Variants in ANKK1 observed in about 807,000 individuals in gnomAD.
ANKK1 encodes the protein ankyrin repeat and protein kinase domain-containing protein 1.
In ANKK1, 37 loss-of-function variants were observed where a neutral mutation model predicts 37.6. The ratio of observed to expected loss-of-function variants is 0.98; its 90% CI spans 0.76 to 1.29. The LOEUF (loss-of-function observed/expected upper bound fraction) is 1.29, where lower values mean the gene tolerates loss of function less well. Among genes scored for constraint, ANKK1 ranks in the 50% most tolerant of loss-of-function variants. The probability of loss-of-function intolerance (pLI) is 0.00; values close to 1 mark genes in which losing one functional copy is unlikely to be tolerated. For missense variants in ANKK1, 1,019 were observed against 990.6 expected, an observed-to-expected ratio of 1.03 and a Z score of -0.39; for synonymous variants, 415 against 418.7, an observed-to-expected ratio of 0.99 and a Z score of 0.11.
At chr11:113,396,015 C>G in intron 4 of ANKK1, 52 bp from the exon 5 acceptor site, 1 of 1,593,278 alleles carries the variant, frequency 6.3e-7, no homozygotes, top group Non-Finnish European at 8.6e-7. Context: ...CTCCCCAGCT[C>G]CCCTCCAGCC....
Position 113,399,517 on chromosome 11 carries a change from G to C in ANKK1, c.1548G>C (p.Gln516His), listed in dbSNP as rs530835710. ...HVSLVKLLTSQGAELDAQQRN... is the reference protein window; with the variant it reads ...HVSLVKLLTSHGAELDAQQRN... ...GCCTGGTCAAGCTGCTGACCAGCCA[G>C]GGGGCTGAGTTGGATGCTCAGCAGA... is the stretch of plus-strand genomic sequence containing the variant. The change falls in exon 8 of 8, where the codon CAG becomes CAC. Residue 516 changes from glutamine (Q) to histidine (H), a missense_variant. Gln to His is a conservative substitution (Grantham distance 24). Transcript: ENST00000303941. 2.6e-5 allele frequency: 41 copies of C among 1,595,032 alleles called. No homozygotes were observed. The East Asian group carries it at 6.1e-4, about 24-fold the overall frequency.
At position 113,400,120 on chromosome 11, in the gene ANKK1, G is replaced by T; in HGVS notation, c.2151G>T (p.Gln717His). 6.2e-7 allele frequency: 1 copy of T among 1,611,704 alleles called. No individual in the cohort carries two copies. Among genetic ancestry groups the T allele is most frequent in the Non-Finnish European group, 8.5e-7 (1 of 1,179,130 alleles). The change falls in exon 8 of 8, where the codon CAG becomes CAT. Residue 717 changes from glutamine to histidine, a missense_variant. Transcript: ENST00000303941. ...AAGTGCTGGTCGAGGCAGGCGCCCA[G>T]CTGGACGTCCAGGATGGAGTGAGCT... ...ILKVLVEAGA[Q>H]LDVQDGVSCT... is the part of the protein sequence containing the mutation.
Position 113,399,577 on chromosome 11 carries a change from G to C in ANKK1, c.1608G>C (p.Glu536Asp), listed in dbSNP as rs967985757. The change falls in exon 8 of 8, where the codon GAG becomes GAC. Residue 536 changes from glutamate to aspartate, a missense_variant. Transcript: ENST00000303941. ...NLRTPLHLAV[E>D]RGKVRAIQHL... ...GAACACCACTGCACCTGGCAGTAGA[G>C]CGGGGCAAAGTGAGGGCCATCCAAC... 6.2e-6 allele frequency: 10 copies of C among 1,604,974 alleles called. No individual in the cohort carries two copies. Among genetic ancestry groups the C allele is most frequent in the East Asian group, 2.2e-5 (1 of 44,446 alleles).
rs1328501365 is a variant in ANKK1 at position 113,399,146 on chromosome 11, G to A, written c.1177G>A (p.Ala393Thr). 6 of 1,595,626 alleles carry A rather than the reference G, an allele frequency of 3.8e-6. No individual in the cohort carries two copies. The highest frequency in any genetic ancestry group is 5.1e-6 in the Non-Finnish European group (6 of 1,171,384). Residue 393 changes from alanine to threonine, a missense_variant, in exon 8 of 8, where the codon GCC (alanine) becomes ACC (threonine). Physicochemically the swap from Ala to Thr is moderately conservative, Grantham distance 58. Coordinates refer to ENST00000303941, the MANE Select transcript of ANKK1 (RefSeq NM_178510.2). Reference protein sequence around the residue: ...AHEVDVDCQTASGYTPLLIAA... With the variant: ...AHEVDVDCQTTSGYTPLLIAA... ...CGAGGTAGACGTGGACTGCCAGACGGCCTCTGGATACACGCCCCTCCTGAT... is the reference window on the plus strand; with the variant it reads ...CGAGGTAGACGTGGACTGCCAGACGACCTCTGGATACACGCCCCTCCTGAT...
At chr11:113,389,966 G>A (rs1400702454) in intron 1 of ANKK1, among the ~76,000 whole-genome samples, 1 of 152,216 alleles carries the variant, frequency 6.6e-6, no homozygotes, top group East Asian at 1.9e-4. Flanking sequence ...TCATTCTGAT[G>A]AGAGACGGAT....
chr11:113,392,153 C>T (rs1950591886), intron 1 of ANKK1, among the ~76,000 whole-genome samples: 1 of 152,186 alleles, frequency 6.6e-6, no homozygotes, highest in African/African-American at 2.4e-5. Context: ...AAGGTAGTTA[C>T]AATTATTCCC....
At position 113,387,875 on chromosome 11, in the gene ANKK1, G is replaced by A. The variant is rs767142506; in HGVS notation, c.-10G>A. ...GGAGTGCGCGGCGCGGGGACAGGAA[G>A]AGAGGGGCAATGGCTGCCGACCCCA... On this transcript the variant is annotated 5_prime_UTR_variant, in exon 1 of 8. Transcript: ENST00000303941. The A allele has an allele frequency of 2.0e-6, 3 of 1,524,536 alleles. No homozygotes were observed. Among genetic ancestry groups the A allele is most frequent in the Admixed American group, 3.8e-5 (2 of 52,792 alleles). 94.4% of individuals were successfully genotyped at this position (1,524,536 alleles called of 1,614,324 possible).
Position 113,399,720 on chromosome 11 carries a change from C to A in ANKK1, c.1751C>A (p.Ala584Asp). The A allele has an allele frequency of 6.3e-7, 1 of 1,599,532 alleles. No individual in the cohort carries two copies. Among genetic ancestry groups the A allele is most frequent in the East Asian group, 2.3e-5 (1 of 44,046 alleles). The change falls in exon 8 of 8, where the codon GCC (alanine) becomes GAC (aspartate). Residue 584 changes from alanine to aspartate, a missense_variant. Ala to Asp is a moderately radical substitution (Grantham distance 126). Transcript: ENST00000303941. ...LICKMLLRYG[A>D]SLELPTHQGW... ...TGCAAGATGCTGCTCAGGTACGGAG[C>A]CAGCCTTGAGCTGCCCACCCACCAG...
At chr11:113,393,153 A>C (rs1029466276) in intron 1 of ANKK1, among the ~76,000 whole-genome samples, 4 of 152,198 alleles carry the variant, frequency 2.6e-5, no homozygotes, top group Admixed American at 6.5e-5. Flanking sequence ...GGGGGCTCAA[A>C]ATCTACTAGG....
At chr11:113,396,329 CG>C in intron 5 of ANKK1, 107 bp downstream of exon 5, 1 of 1,327,138 alleles carries the variant, frequency 7.5e-7, no homozygotes, top group Non-Finnish European at 1.0e-6. Flanking sequence ...TTTGGTACTA[CG>C]GCCTAGAAGG....
intron 2 of ANKK1, 106 bp downstream of exon 2, chr11:113,393,881 C>T: frequency 2.3e-6 from 3 of 1,302,544 alleles, no homozygotes; most frequent in Non-Finnish European, 3.1e-6. Flanking sequence ...TTAAGCAGTT[C>T]CCTTCATGGA....
At chr11:113,397,946 A>T in intron 6 of ANKK1, 34 bp from the exon 7 acceptor site, 1 of 1,554,308 alleles carries the variant, frequency 6.4e-7, no homozygotes, top group Non-Finnish European at 8.7e-7. Context: ...TGCGCCACTG[A>T]TCTCCACCCT....
chr11:113,396,045 T>A (rs560069921), intron 4 of ANKK1, 22 bp from the exon 5 acceptor site: 2 of 1,612,434 alleles, frequency 1.2e-6, no homozygotes, highest in East Asian at 4.5e-5. Flanking sequence ...AGCACCCACA[T>A]AGCCTGAGCC....
At chr11:113,394,857 G>A (rs1950623541) in intron 2 of ANKK1, 72 bp from the exon 3 acceptor site, 6 of 1,577,694 alleles carry the variant, frequency 3.8e-6, no homozygotes, top group Non-Finnish European at 5.2e-6. Flanking sequence ...AGCAGGAGGG[G>A]TGAGAAGCCA....
intron 2 of ANKK1, among the ~76,000 whole-genome samples, chr11:113,394,406 G>C (rs144826110): frequency 1.1e-4 from 16 of 152,292 alleles, no homozygotes; most frequent in African/African-American, 3.8e-4. Flanking sequence ...GTGTTGGCAG[G>C]GGGTGTCTCA....
At chr11:113,388,114 G>C (rs780054479) in intron 1 of ANKK1, 45 bp downstream of exon 1, 802 of 1,438,324 alleles carry the variant, frequency 5.6e-4, no homozygotes, top group Non-Finnish European at 7.0e-4. Flanking sequence ...AGAAACTGAG[G>C]CCCGGCAAGC....
At chr11:113,395,208 TG>T in intron 3 of ANKK1, 128 bp downstream of exon 3, 1 of 1,490,422 alleles carries the variant, frequency 6.7e-7, no homozygotes, top group African/African-American at 1.4e-5. Context: ...CGGAGGACTC[TG>T]GCTGGAGAGG....
In ANKK1 at chr11:113,399,578, C is replaced by A. The variant is rs763885896; in HGVS notation, c.1609C>A (p.Arg537=). Residue 537 remains arginine (R), a synonymous_variant, in exon 8 of 8, where the codon CGG becomes AGG. Coordinates refer to ENST00000303941, the MANE Select transcript of ANKK1 (RefSeq NM_178510.2). The stretch of plus-strand genomic sequence containing the variant: ...AACACCACTGCACCTGGCAGTAGAG[C>A]GGGGCAAAGTGAGGGCCATCCAACA... ...LRTPLHLAVE[R]GKVRAIQHLL... is the part of the protein sequence containing the mutation. The A allele has an allele frequency of 5.0e-6, 8 of 1,604,482 alleles. No individual in the cohort carries two copies. Among genetic ancestry groups the A allele is most frequent in the Non-Finnish European group, 6.0e-6 (7 of 1,175,854 alleles).
At chr11:113,391,477 C>T (rs1950586536) in intron 1 of ANKK1, among the ~76,000 whole-genome samples, 1 of 151,990 alleles carries the variant, frequency 6.6e-6, no homozygotes, top group Non-Finnish European at 1.5e-5. Flanking sequence ...GAGGCTTGGG[C>T]TGAGATGCAC....
Sources: allele counts gnomAD v4.1 joint callset (sites outside exome capture counted in the v4.1 genomes callset), GRCh38; gene constraint gnomAD v4.1.1; transcripts MANE v1.5; gene names NCBI Gene and HGNC (gene_info 2026-07-23, HGNC 2026-07-21).